Variants in DNAJC1 observed in about 807,000 individuals in gnomAD.
DNAJC1 encodes the protein dnaJ homolog subfamily C member 1.
Under a neutral mutation model 76.6 loss-of-function variants are expected in DNAJC1, and 58 were observed. That is an observed-to-expected ratio of 0.76 (90% CI 0.61 to 0.94). The LOEUF (loss-of-function observed/expected upper bound fraction) is 0.94. Ranked by LOEUF, DNAJC1 falls within the 40% of genes least tolerant of loss-of-function variation. DNAJC1 has a pLI of 0.00. For missense variants in DNAJC1, 689 were observed against 677.3 expected (o/e 1.02, Z -0.19); for synonymous variants, 258 against 267.9 (o/e 0.96, Z 0.36).
chr10:21,953,445 T>A (rs1487051468), intron 1 of DNAJC1, among the ~76,000 whole-genome samples: 1 of 152,086 alleles, frequency 6.6e-6, no homozygotes, highest in African/African-American at 2.4e-5. Context: ...TAGCCATTTT[T>A]TCAAATTATT....
At chr10:21,993,164 T>C (rs1299457525) in intron 1 of DNAJC1, among the ~76,000 whole-genome samples, 3 of 152,186 alleles carry the variant, frequency 2.0e-5, no homozygotes, top group Admixed American at 2.0e-4. Flanking sequence ...TAAATTTATA[T>C]ACTCAGCCTA....
At position 21,842,099 on chromosome 10, in the gene DNAJC1, G is replaced by T. The variant is rs1375833660; in HGVS notation, c.979-36000C>A. ...ACATCACACACCTGGGACTGTTGTG[G>T]GGTGGGGGGAGGGGGGAGGGACAGT... is the stretch of plus-strand genomic sequence containing the variant. On this transcript the variant is annotated intron_variant, in intron 8 of 11. Transcript: ENST00000376980. 3.4e-5 allele frequency among the ~76,000 whole-genome samples: 4 copies of T among 116,870 alleles called. No individual in the cohort carries two copies. The South Asian group carries it at 1.4e-3, about 42-fold the overall frequency. 76.7% of individuals were successfully genotyped at this position (116,870 alleles called of 152,430 possible).
intron 2 of DNAJC1, 84 bp from the exon 3 acceptor site, chr10:21,928,636 T>C (rs535171956): frequency 7.4e-6 from 8 of 1,081,668 alleles, no homozygotes; most frequent in South Asian, 2.6e-5. Flanking sequence ...ACAATACACA[T>C]GCAGAAAATC....
intron 7 of DNAJC1, among the ~76,000 whole-genome samples, chr10:21,899,975 C>T (rs1252856613): frequency 6.6e-6 from 1 of 152,138 alleles, no homozygotes; most frequent in Admixed American, 6.5e-5. Flanking sequence ...GTGAAGACCT[C>T]GGACATTACT....
chr10:21,851,386 C>A (rs1441123769), intron 8 of DNAJC1, among the ~76,000 whole-genome samples: 1 of 152,110 alleles, frequency 6.6e-6, no homozygotes, highest in Non-Finnish European at 1.5e-5. Flanking sequence ...TCATTACTCA[C>A]TAGGGGAATG....
At chr10:21,845,085 GGA>G (rs1835634952) in intron 8 of DNAJC1, among the ~76,000 whole-genome samples, 1 of 152,094 alleles carries the variant, frequency 6.6e-6, no homozygotes, top group Admixed American at 6.6e-5. Flanking sequence ...TCCCTACGGT[GGA>G]GAGATTGTCT....
chr10:21,876,760 A>G (rs941341965), intron 8 of DNAJC1, among the ~76,000 whole-genome samples: 2 of 152,204 alleles, frequency 1.3e-5, no homozygotes, highest in Non-Finnish European at 2.9e-5. Context: ...GGACACTTGG[A>G]TTATGATTAA....
intron 1 of DNAJC1, among the ~76,000 whole-genome samples, chr10:21,968,816 T>C (rs745484841): frequency 3.3e-5 from 5 of 152,166 alleles, no homozygotes; most frequent in South Asian, 2.1e-4. Context: ...AGCCAACATA[T>C]CTTGAAATTG....
At chr10:21,929,707 AC>A (rs1837189596) in intron 1 of DNAJC1, among the ~76,000 whole-genome samples, 1 of 152,144 alleles carries the variant, frequency 6.6e-6, no homozygotes, top group African/African-American at 2.4e-5. Flanking sequence ...AGTTAAATAT[AC>A]TATACTTATT....
chr10:21,917,529 A>C (rs1178396188), intron 6 of DNAJC1, among the ~76,000 whole-genome samples: 1 of 152,080 alleles, frequency 6.6e-6, no homozygotes, highest in Non-Finnish European at 1.5e-5. Flanking sequence ...TTCAAAAAAT[A>C]AGAAAATCTG....
chr10:21,962,004 C>T (rs1837802090), intron 1 of DNAJC1, among the ~76,000 whole-genome samples: 1 of 152,126 alleles, frequency 6.6e-6, no homozygotes, highest in South Asian at 2.1e-4. Context: ...TACTCACATC[C>T]TCCCTCCTTC....
At chr10:21,986,097 G>T (rs1291916856) in intron 1 of DNAJC1, among the ~76,000 whole-genome samples, 2 of 152,004 alleles carry the variant, frequency 1.3e-5, no homozygotes, top group African/African-American at 4.8e-5. Flanking sequence ...TGTGGTGGCG[G>T]GTGCCTGTAG....
rs755533658 is a variant in DNAJC1 at position 21,759,279 on chromosome 10, G to A, written c.1487C>T (p.Pro496Leu). 24 of 1,614,076 alleles carry A rather than the reference G, an allele frequency of 1.5e-5. No homozygotes were observed. In the East Asian group the frequency reaches 2.9e-4, roughly 19 times the overall value. Residue 496 changes from proline to leucine, a missense_variant, in exon 11 of 12, where the codon CCG becomes CTG. Physicochemically the swap from Pro to Leu is moderately conservative, Grantham distance 98. Coordinates refer to ENST00000376980, the MANE Select transcript of DNAJC1 (RefSeq NM_022365.4). ...RKERARSAEE[P>L]WTQNQQKLLE... ...AAGTTTCTGTTGATTTTGAGTCCAC[G>A]GCTCCTCTGCAGACCGAGCTCTCTC...
intron 7 of DNAJC1, among the ~76,000 whole-genome samples, chr10:21,882,765 T>G (rs770819714): frequency 6.6e-6 from 1 of 152,184 alleles, no homozygotes; most frequent in Non-Finnish European, 1.5e-5. Context: ...AACTTTACCA[T>G]GTAATAAGTA....
chr10:21,862,352 A>G (rs140561963), intron 8 of DNAJC1, among the ~76,000 whole-genome samples: 15 of 152,200 alleles, frequency 9.9e-5, no homozygotes, highest in African/African-American at 3.6e-4. Context: ...CACCTAAATA[A>G]TAATAAGACT....
At chr10:21,892,382 C>T (rs1229296905) in intron 7 of DNAJC1, among the ~76,000 whole-genome samples, 17 of 150,842 alleles carry the variant, frequency 1.1e-4, no homozygotes, top group South Asian at 6.3e-4. Flanking sequence ...CACACACACA[C>T]GGTCTTTCAT....
intron 1 of DNAJC1, among the ~76,000 whole-genome samples, chr10:21,953,945 T>C (rs1256216794): frequency 1.3e-5 from 2 of 151,978 alleles, no homozygotes; most frequent in Admixed American, 6.6e-5. Context: ...TTGCTATTTA[T>C]TGTTTAAATC....
chr10:21,771,538 GC>G (rs1427801109), intron 9 of DNAJC1, among the ~76,000 whole-genome samples: 1 of 151,810 alleles, frequency 6.6e-6, no homozygotes, highest in African/African-American at 2.4e-5. Context: ...TCGCTCTGTT[GC>G]CCAGGCTGCA....
intron 8 of DNAJC1, among the ~76,000 whole-genome samples, chr10:21,843,860 G>T (rs1056658896): frequency 6.6e-6 from 1 of 151,872 alleles, no homozygotes; most frequent in Non-Finnish European, 1.5e-5. Context: ...GTGCCTCAGT[G>T]ATATGGTTTG....
Sources: allele counts gnomAD v4.1 joint callset (sites outside exome capture counted in the v4.1 genomes callset), GRCh38; gene constraint gnomAD v4.1.1; transcripts MANE v1.5; gene names NCBI Gene and HGNC (gene_info 2026-07-23, HGNC 2026-07-21).